Variants in DNAH14 observed in about 807,000 individuals in gnomAD.
DNAH14 encodes the protein axonemal beta dynein heavy chain 14.
A neutral mutation model predicts 520.9 loss-of-function variants in DNAH14; 478 were observed. That is an observed-to-expected ratio of 0.92 (90% CI 0.85 to 0.99). The LOEUF (loss-of-function observed/expected upper bound fraction) is 0.99, where lower values mean the gene tolerates loss of function less well. DNAH14 is among the 50% of genes least tolerant of loss of function. The probability of loss-of-function intolerance (pLI) is 0.00; values close to 1 mark genes in which losing one functional copy is unlikely to be tolerated. For synonymous variants in DNAH14, 1,581 were observed against 1,757.2 expected (o/e 0.90, Z 2.51); for missense variants, 4,831 against 5,234.5 (o/e 0.92, Z 2.38).
Position 225,340,480 on chromosome 1 carries a change from A to G in DNAH14, c.10457A>G (p.Asp3486Gly), listed in dbSNP as rs891497191. The G allele has an allele frequency of 1.3e-6, 2 of 1,550,822 alleles. No homozygotes were observed. Among genetic ancestry groups the G allele is most frequent in the African/African-American group, 2.7e-5 (2 of 73,036 alleles). ...AGGTTATACTTATCTACAGAAATAG[A>G]CAACCCCCATTTTCTTCCATCAGTT... ...NFRLYLSTEI[D>G]NPHFLPSVYN... Residue 3486 changes from aspartate (D) to glycine (G), a missense_variant, in exon 69 of 86, where the codon GAC (aspartate) becomes GGC (glycine). Asp to Gly is a moderately conservative substitution (Grantham distance 94). Transcript: ENST00000682510.
intron 27 of DNAH14, among the ~76,000 whole-genome samples, chr1:225,133,090 T>C (rs2078601074): frequency 6.6e-6 from 1 of 152,196 alleles, no homozygotes; most frequent in African/African-American, 2.4e-5. Flanking sequence ...CTTGTAAATG[T>C]GTTTAAGTTC....
chr1:225,365,979 T>C (rs1399242637), intron 76 of DNAH14, among the ~76,000 whole-genome samples: 3 of 152,314 alleles, frequency 2.0e-5, no homozygotes, highest in African/African-American at 7.2e-5. Context: ...CAGACAGAGA[T>C]GATAATTTTC....
intron 4 of DNAH14, among the ~76,000 whole-genome samples, chr1:224,962,668 A>G (rs921712019): frequency 1.3e-5 from 2 of 152,130 alleles, no homozygotes; most frequent in Admixed American, 6.6e-5. Context: ...CCCAGCCAAA[A>G]TTTGCCAGAC....
rs191113923 is a variant in DNAH14, at chr1:225,229,624, T to C, written c.6440-1449T>C. 1.8e-3 allele frequency among the ~76,000 whole-genome samples: 275 copies of C among 152,268 alleles called. 2 individuals carry two copies. Among genetic ancestry groups the C allele is most frequent in the Non-Finnish European group, 2.9e-3 (198 of 68,022 alleles). ...TGAGTTCATGTCCTTTGCAGGGACA[T>C]GGATTAAGCTGGAAACCATCATTCT... is the stretch of plus-strand genomic sequence containing the variant. On this transcript the variant is annotated intron_variant, in intron 41 of 85. Transcript: ENST00000682510.
chr1:225,133,240 A>G (rs2078617569), intron 27 of DNAH14, among the ~76,000 whole-genome samples: 1 of 151,690 alleles, frequency 6.6e-6, no homozygotes, highest in Admixed American at 6.6e-5. Flanking sequence ...GTTAGATCTC[A>G]TTTGTCAATT....
intron 5 of DNAH14, 56 bp downstream of exon 5, chr1:224,964,665 T>G: frequency 2.2e-6 from 3 of 1,333,836 alleles, no homozygotes; most frequent in Non-Finnish European, 3.0e-6. Flanking sequence ...GAAATTATAT[T>G]TTAATTTTTA....
chr1:225,378,732 A>C (rs2095737616), intron 79 of DNAH14, among the ~76,000 whole-genome samples: 1 of 151,904 alleles, frequency 6.6e-6, no homozygotes, highest in African/African-American at 2.4e-5. Context: ...AATACAAAAA[A>C]TTAGCCAGCA....
At chr1:225,338,794 T>C (rs2095116220) in intron 68 of DNAH14, among the ~76,000 whole-genome samples, 1 of 152,182 alleles carries the variant, frequency 6.6e-6, no homozygotes, top group Non-Finnish European at 1.5e-5. Context: ...AGGCCACTTA[T>C]AATAAGAGCC....
In DNAH14 at chr1:225,349,129, C is replaced by G. The variant is rs571346716; in HGVS notation, c.11296+2475C>G. Among the ~76,000 whole-genome samples the G allele has an allele frequency of 2.6e-5, 4 of 152,198 alleles. No homozygotes were observed. In the East Asian group the frequency reaches 7.7e-4, roughly 29 times the overall value. On this transcript the variant is annotated intron_variant, in intron 71 of 85. Coordinates refer to ENST00000682510, the MANE Select transcript of DNAH14 (RefSeq NM_001367479.1). Reference sequence around the variant, plus strand: ...GGGACTGCAGGCACATGCCACCATACCCAGCTAATTTTTTTAAATTTTTGG... The same window carrying G: ...GGGACTGCAGGCACATGCCACCATAGCCAGCTAATTTTTTTAAATTTTTGG...
intron 21 of DNAH14, among the ~76,000 whole-genome samples, chr1:225,096,381 A>C (rs1396767172): frequency 6.6e-6 from 1 of 152,232 alleles, no homozygotes; most frequent in Non-Finnish European, 1.5e-5. Context: ...AAAAATATGG[A>C]GGTAAGTACC....
chr1:225,144,250 C>G, intron 28 of DNAH14, 147 bp from the exon 29 acceptor site: 3 of 644,086 alleles, frequency 4.7e-6, no homozygotes, highest in Non-Finnish European at 7.9e-6. Context: ...AGTTTTATAT[C>G]ACACTTCTCA....
intron 5 of DNAH14, 46 bp from the exon 6 acceptor site, chr1:224,967,385 T>C (rs1572114877): frequency 7.2e-7 from 1 of 1,389,142 alleles, no homozygotes; most frequent in East Asian, 2.6e-5. Context: ...TTAGTTAATT[T>C]AGTCAAATTA....
chr1:225,325,532 A>G (rs1172410589), intron 64 of DNAH14, among the ~76,000 whole-genome samples: 1 of 151,946 alleles, frequency 6.6e-6, no homozygotes, highest in Non-Finnish European at 1.5e-5. Context: ...TTATATCATT[A>G]CCCTGTTGAT....
chr1:224,977,414 C>T (rs2061937528), intron 8 of DNAH14, among the ~76,000 whole-genome samples: 1 of 151,952 alleles, frequency 6.6e-6, no homozygotes, highest in Non-Finnish European at 1.5e-5. Context: ...GTGCAGCACA[C>T]CGGCATGGCA....
intron 84 of DNAH14, among the ~76,000 whole-genome samples, chr1:225,395,430 G>A (rs1044249622): frequency 1.3e-5 from 2 of 151,986 alleles, no homozygotes; most frequent in South Asian, 2.1e-4. Flanking sequence ...CGTCTCTACT[G>A]AAAATACAAA....
chr1:225,043,603 C>T, intron 13 of DNAH14, 141 bp from the exon 14 acceptor site: 1 of 637,860 alleles, frequency 1.6e-6, no homozygotes, highest in Non-Finnish European at 2.7e-6. Context: ...GGGTGTACTG[C>T]TTCAGTATTG....
Position 225,079,702 on chromosome 1 carries a change from C to A in DNAH14, c.2766+154C>A, listed in dbSNP as rs1187113167. 3.8e-5 allele frequency among the ~76,000 whole-genome samples: 4 copies of A among 106,332 alleles called. No individual in the cohort carries two copies. The Admixed American group carries it at 5.7e-4, about 15-fold the overall frequency. The allele number at this position is 106,332 out of a possible 152,430, so 69.8% of individuals were successfully genotyped here. ...TTTTTTTTTTTTTTTGAGATGGAGT[C>A]TTGCTCTGTTGCCCAGGCTGGACTG... is the stretch of plus-strand genomic sequence containing the variant. On this transcript the variant is annotated intron_variant, in intron 18 of 85. Coordinates refer to ENST00000682510, the MANE Select transcript of DNAH14 (RefSeq NM_001367479.1).
At chr1:225,398,198 A>C (rs565112093) in intron 84 of DNAH14, 1 of 240,978 alleles carries the variant, frequency 4.1e-6, no homozygotes, top group Non-Finnish European at 8.1e-6. Flanking sequence ...GTTCTGTCCT[A>C]AAAAGCTCGG....
At chr1:225,343,650 A>G (rs1268270093) in intron 69 of DNAH14, among the ~76,000 whole-genome samples, 1 of 152,236 alleles carries the variant, frequency 6.6e-6, no homozygotes, top group East Asian at 1.9e-4. Flanking sequence ...GAAATTTTAA[A>G]TACACATTTA....
Sources: gnomAD v4.1 joint callset for allele counts (sites outside exome capture counted in the v4.1 genomes callset) on GRCh38, gnomAD v4.1.1 for gene constraint, MANE v1.5 for transcripts, NCBI Gene and HGNC (gene_info 2026-07-23, HGNC 2026-07-21) for gene names.